The following MAGEA1 variants were observed in gnomAD, a reference collection of about 807,000 sequenced individuals.
MAGEA1 encodes melanoma-associated antigen 1.
For missense variants in MAGEA1, 182 were observed against 233.7 expected, an observed-to-expected ratio of 0.78 and a Z score of 1.44; for synonymous variants, 101 against 96.7, an observed-to-expected ratio of 1.04 and a Z score of -0.26.
intron 1 of MAGEA1, among the ~76,000 whole-genome samples, chrX:153,180,908 A>G (rs111722775): frequency 0.032 from 3,535 of 111,332 alleles, 135 homozygotes; most frequent in African/African-American, 0.11. Flanking sequence ...TGCCCCCTTC[A>G]TGAGGACTGG....
chrX:153,182,534 G>A lies in MAGEA1; in HGVS notation c.145G>A (p.Ala49Thr), dbSNP rs1365830109. The change falls in exon 3 of 3, where the codon GCT (alanine) becomes ACT (threonine). Residue 49 changes from alanine to threonine, a missense_variant. By Grantham distance (58) the Ala-to-Thr change is moderately conservative. Transcript: ENST00000356661. ...VLGTLEEVPTAGSTDPPQSPQ... is the reference protein window; with the variant it reads ...VLGTLEEVPTTGSTDPPQSPQ... ...GGGCACCCTGGAGGAGGTGCCCACT[G>A]CTGGGTCAACAGATCCTCCCCAGAG... The A allele has an allele frequency of 8.3e-7, 1 of 1,209,731 alleles. No individual in the cohort carries two copies. Among genetic ancestry groups the A allele is most frequent in the Non-Finnish European group, 1.1e-6 (1 of 895,065 alleles).
chrX:153,182,758 C>T lies in MAGEA1; in HGVS notation c.369C>T (p.Val123=). 1 of 1,211,969 alleles carries T rather than the reference C, an allele frequency of 8.3e-7. No homozygotes were observed. Among genetic ancestry groups the T allele is most frequent in the Non-Finnish European group, 1.1e-6 (1 of 895,568 alleles). ...LLLKYRAREP[V]TKAEMLESVI... ...TCAAATATCGAGCCAGGGAGCCAGT[C>T]ACAAAGGCAGAAATGCTGGAGAGTG... The change falls in exon 3 of 3, where the codon GTC becomes GTT. Residue 123 remains valine (V), a synonymous_variant. Coordinates refer to ENST00000356661, the MANE Select transcript of MAGEA1 (RefSeq NM_004988.5).
Position 153,183,410 on chromosome X carries a change from A to C in MAGEA1, c.*91A>C, listed in dbSNP as rs2069978031. ...AGCAGCTTCCCCTGCCTCGTGTGAC[A>C]TGAGGCCCATTCTTCACTCTGAAGA... On this transcript the variant is annotated 3_prime_UTR_variant, in exon 3 of 3. Coordinates refer to ENST00000356661, the MANE Select transcript of MAGEA1 (RefSeq NM_004988.5). 8 of 880,347 alleles carry C rather than the reference A, an allele frequency of 9.1e-6. No individual in the cohort carries two copies. Among genetic ancestry groups the C allele is most frequent in the Non-Finnish European group, 1.3e-5 (8 of 617,103 alleles). 72.6% of individuals were successfully genotyped at this position (880,347 alleles called of 1,213,427 possible).
chrX:153,182,978 A>G lies in MAGEA1; in HGVS notation c.589A>G (p.Ile197Val), dbSNP rs781792706. 2.6e-5 allele frequency: 32 copies of G among 1,211,531 alleles called. No individual in the cohort carries two copies. In the South Asian group the frequency reaches 4.7e-4, roughly 18 times the overall value. Residue 197 changes from isoleucine (I) to valine (V), a missense_variant, in exon 3 of 3, where the codon ATT becomes GTT. Coordinates refer to ENST00000356661, the MANE Select transcript of MAGEA1 (RefSeq NM_004988.5). ...CATGCCCAAGACAGGCTTCCTGATAATTGTCCTGGTCATGATTGCAATGGA... is the reference window on the plus strand; with the variant it reads ...CATGCCCAAGACAGGCTTCCTGATAGTTGTCCTGGTCATGATTGCAATGGA... ...QIMPKTGFLI[I>V]VLVMIAMEGG...
chrX:153,181,588 A>T (rs1160443410), intron 1 of MAGEA1, among the ~76,000 whole-genome samples: 2 of 108,967 alleles, frequency 1.8e-5, no homozygotes, highest in Non-Finnish European at 3.8e-5. Flanking sequence ...AGTCAAGGTG[A>T]GGACCAAGCG....
In MAGEA1 at chrX:153,183,034, G is replaced by C. The variant is rs2051505120; in HGVS notation, c.645G>C (p.Trp215Cys). 1 of 1,211,898 alleles carries C rather than the reference G, an allele frequency of 8.3e-7. No homozygotes were observed. Among genetic ancestry groups the C allele is most frequent in the Non-Finnish European group, 1.1e-6 (1 of 895,542 alleles). ...EGGHAPEEEI[W>C]EELSVMEVYD... Reference sequence around the variant, plus strand: ...GCCATGCTCCTGAGGAGGAAATCTGGGAGGAGCTGAGTGTGATGGAGGTGT... The same window carrying C: ...GCCATGCTCCTGAGGAGGAAATCTGCGAGGAGCTGAGTGTGATGGAGGTGT... Residue 215 changes from tryptophan (W) to cysteine (C), a missense_variant, in exon 3 of 3, where the codon TGG (tryptophan) becomes TGC (cysteine). Physicochemically the swap from Trp to Cys is radical, Grantham distance 215. Coordinates refer to ENST00000356661, the MANE Select transcript of MAGEA1 (RefSeq NM_004988.5).
intron 1 of MAGEA1, among the ~76,000 whole-genome samples, chrX:153,181,405 G>A (rs921407190): frequency 1.8e-5 from 2 of 111,518 alleles, no homozygotes; most frequent in Non-Finnish European, 3.8e-5. Flanking sequence ...GAACACTGAG[G>A]GAGACTGCAC....
Position 153,182,890 on chromosome X carries a change from C to T in MAGEA1, c.501C>T (p.His167=), listed in dbSNP as rs782441979. 4 of 1,212,063 alleles carry T rather than the reference C, an allele frequency of 3.3e-6. No individual in the cohort carries two copies. The highest frequency in any genetic ancestry group is 3.3e-6 in the Non-Finnish European group (3 of 895,563). The change falls in exon 3 of 3, where the codon CAC becomes CAT. Residue 167 remains histidine, a synonymous_variant. Transcript: ENST00000356661. ...TGAAGGAAGCAGACCCCACCGGCCA[C>T]TCCTATGTCCTTGTCACCTGCCTAG... ...IDVKEADPTG[H]SYVLVTCLGL...
At position 153,180,777 on chromosome X, in the gene MAGEA1, G is replaced by C. The variant is rs973049942; in HGVS notation, c.-138-1400G>C. 3.5e-4 allele frequency among the ~76,000 whole-genome samples: 38 copies of C among 110,046 alleles called. 1 individual carries two copies. The highest frequency in any genetic ancestry group is 1.3e-3 in the African/African-American group (38 of 30,155). On this transcript the variant is annotated intron_variant, in intron 1 of 2. Coordinates refer to ENST00000356661, the MANE Select transcript of MAGEA1 (RefSeq NM_004988.5). ...CTCGGCCCTGAGAGGTCCAGGGCAC[G>C]GTGGCCACATATGGCCCATATTTCC...
intron 1 of MAGEA1, among the ~76,000 whole-genome samples, chrX:153,180,295 C>T (rs868946982): frequency 1.3e-4 from 14 of 111,467 alleles, no homozygotes; most frequent in East Asian, 5.7e-4. Context: ...GGCATCCGCC[C>T]GGCATTAGGG....
At position 153,182,779 on chromosome X, in the gene MAGEA1, G is replaced by A. The variant is rs1556944145; in HGVS notation, c.390G>A (p.Glu130=). The A allele has an allele frequency of 8.3e-7, 1 of 1,212,036 alleles. No individual in the cohort carries two copies. Among genetic ancestry groups the A allele is most frequent in the East Asian group, 3.0e-5 (1 of 33,841 alleles). The stretch of plus-strand genomic sequence containing the variant: ...CAGTCACAAAGGCAGAAATGCTGGA[G>A]AGTGTCATCAAAAATTACAAGCACT... ...REPVTKAEML[E]SVIKNYKHCF... Residue 130 remains glutamate (E), a synonymous_variant, in exon 3 of 3, where the codon GAG becomes GAA. Transcript: ENST00000356661.
At position 153,183,381 on chromosome X, in the gene MAGEA1, G is replaced by A. The variant is rs782803182; in HGVS notation, c.*62G>A. ...GGGCCAGTGCACCTTCCAGGGCCGC[G>A]TCCAGCAGCTTCCCCTGCCTCGTGT... On this transcript the variant is annotated 3_prime_UTR_variant, in exon 3 of 3. Transcript: ENST00000356661. The A allele has an allele frequency of 2.0e-5, 22 of 1,074,705 alleles. No individual in the cohort carries two copies. In the African/African-American group the frequency reaches 2.9e-4, roughly 14 times the overall value. 88.6% of individuals were successfully genotyped at this position (1,074,705 alleles called of 1,213,427 possible).
Position 153,182,837 on chromosome X carries a change from T to C in MAGEA1, c.448T>C (p.Ser150Pro). The C allele has an allele frequency of 8.3e-7, 1 of 1,211,410 alleles. No homozygotes were observed. The highest frequency in any genetic ancestry group is 1.8e-5 in the South Asian group (1 of 56,973). Residue 150 changes from serine (S) to proline (P), a missense_variant, in exon 3 of 3, where the codon TCC (serine) becomes CCC (proline). Physicochemically the swap from Ser to Pro is moderately conservative, Grantham distance 74. Transcript: ENST00000356661. ...TGAGATCTTCGGCAAAGCCTCTGAG[T>C]CCTTGCAGCTGGTCTTTGGCATTGA... ...FPEIFGKASE[S>P]LQLVFGIDVK...
chrX:153,181,902 T>A (rs1349594061), intron 1 of MAGEA1, among the ~76,000 whole-genome samples: 1 of 111,223 alleles, frequency 9.0e-6, no homozygotes, highest in Non-Finnish European at 1.9e-5. Context: ...GTGCTTGCGG[T>A]CTGCACCCTG....
rs1556944143 is a variant in MAGEA1 at position 153,182,733 on chromosome X, T to G, written c.344T>G (p.Leu115Arg). ...GCTGATTTGGTTGGTTTTCTGCTCC[T>G]CAAATATCGAGCCAGGGAGCCAGTC... ...KVADLVGFLL[L>R]KYRAREPVTK... Residue 115 changes from leucine (L) to arginine (R), a missense_variant, in exon 3 of 3, where the codon CTC becomes CGC. Physicochemically the swap from Leu to Arg is moderately radical, Grantham distance 102. Coordinates refer to ENST00000356661, the MANE Select transcript of MAGEA1 (RefSeq NM_004988.5). 4.1e-6 allele frequency: 5 copies of G among 1,210,246 alleles called. No individual in the cohort carries two copies. The highest frequency in any genetic ancestry group is 5.6e-6 in the Non-Finnish European group (5 of 895,212).
chrX:153,181,416 A>G (rs1416257887), intron 1 of MAGEA1, among the ~76,000 whole-genome samples: 2 of 111,609 alleles, frequency 1.8e-5, no homozygotes, highest in Non-Finnish European at 3.8e-5. Context: ...GAGACTGCAC[A>G]GAAATCAGCC....
At chrX:153,181,802 C>T (rs1249301334) in intron 1 of MAGEA1, among the ~76,000 whole-genome samples, 1 of 111,344 alleles carries the variant, frequency 9.0e-6, no homozygotes, top group Non-Finnish European at 1.9e-5. Flanking sequence ...AAGGGCCCTG[C>T]GTGAGAACAG....
intron 1 of MAGEA1, among the ~76,000 whole-genome samples, chrX:153,180,396 C>G (rs1416908776): frequency 9.0e-6 from 1 of 111,408 alleles, no homozygotes; most frequent in Non-Finnish European, 1.9e-5. Flanking sequence ...TACCTACCCC[C>G]TACCCCCAAC....
chrX:153,183,336 A>G lies in MAGEA1; in HGVS notation c.*17A>G, dbSNP rs2233046. 0.13 allele frequency: 154,335 copies of G among 1,193,072 alleles called. 7,137 individuals are homozygous for G. Among genetic ancestry groups the G allele is most frequent in the South Asian group, 0.2 (10,585 of 53,673 alleles). ...GGAGTCTGAGCATGAGTTGCAGCCA[A>G]GGCCAGTGGGAGGGGGACTGGGCCA... On this transcript the variant is annotated 3_prime_UTR_variant, in exon 3 of 3. Transcript: ENST00000356661.
Sources: allele counts gnomAD v4.1 joint callset (sites outside exome capture counted in the v4.1 genomes callset), GRCh38; gene constraint gnomAD v4.1.1; transcripts MANE v1.5; gene names NCBI Gene and HGNC (gene_info 2026-07-23, HGNC 2026-07-21).